Variants in GRB14 observed in about 807,000 individuals in gnomAD.
GRB14 encodes the protein growth factor receptor bound protein 14, also known as growth factor receptor-bound protein 14.
In GRB14, 38 loss-of-function variants were observed where a neutral mutation model predicts 69.1. That is an observed-to-expected ratio of 0.55 (90% confidence interval 0.42 to 0.72). The LOEUF is 0.72. Ranked by LOEUF, GRB14 falls within the 30% of genes least tolerant of loss-of-function variation. The probability of loss-of-function intolerance (pLI) is 0.00; values close to 1 mark genes in which losing one functional copy is unlikely to be tolerated. For synonymous variants in GRB14, 247 were observed against 241.3 expected (o/e 1.02, Z -0.22); for missense variants, 666 against 666.1 (o/e 1.00, Z 0.00).
intron 2 of GRB14, among the ~76,000 whole-genome samples, chr2:164,591,908 G>T (rs1689673889): frequency 1.3e-5 from 2 of 152,106 alleles, no homozygotes; most frequent in Admixed American, 6.5e-5. Context: ...CATGGGGGCA[G>T]TTTTCCCCAT....
At position 164,494,482 on chromosome 2, in the gene GRB14, G is replaced by A. The variant is rs138769540; in HGVS notation, c.1425C>T (p.Phe475=). The A allele has an allele frequency of 3.8e-5, 61 of 1,603,686 alleles. No individual in the cohort carries two copies. The highest frequency in any genetic ancestry group is 2.8e-4 in the Admixed American group (17 of 59,968). The part of the protein sequence containing the change: ...VRDSQSNPKT[F]VLSMSHGQKI... ...TTTGTCCATGACTCATTGACAGTAC[G>A]AAAGTTTTGGGGTTACTCTGACTAT... The change falls in exon 13 of 14, where the codon TTC becomes TTT. Residue 475 remains phenylalanine, a synonymous_variant. Transcript: ENST00000263915.
chr2:164,593,830 G>A (rs537776789), intron 2 of GRB14, among the ~76,000 whole-genome samples: 2 of 152,254 alleles, frequency 1.3e-5, no homozygotes, highest in South Asian at 2.1e-4. Context: ...CCACTTGGAA[G>A]TTTATGTTAA....
At chr2:164,527,614 A>T (rs1371601176) in intron 3 of GRB14, among the ~76,000 whole-genome samples, 4 of 152,012 alleles carry the variant, frequency 2.6e-5, no homozygotes, top group African/African-American at 9.7e-5. Flanking sequence ...TGTCCAGACT[A>T]ATCTGGATAG....
intron 9 of GRB14, among the ~76,000 whole-genome samples, chr2:164,498,967 ATC>A (rs1686979068): frequency 6.6e-6 from 1 of 151,982 alleles, no homozygotes; most frequent in South Asian, 2.1e-4. Context: ...TGTCTCTGTA[ATC>A]TCTATTTGCT....
At chr2:164,495,030 CTCCAGGGT>C (rs1686856282) in intron 12 of GRB14, among the ~76,000 whole-genome samples, 3 of 152,110 alleles carry the variant, frequency 2.0e-5, no homozygotes, top group Admixed American at 6.5e-5. Flanking sequence ...CAATCTCCGC[CTCCAGGGT>C]TCAAGCAATT....
rs569173334 is a variant in GRB14 at position 164,589,213 on chromosome 2, C to G, written c.324+30474G>C. Among the ~76,000 whole-genome samples the G allele has an allele frequency of 4.4e-4, 67 of 152,202 alleles. No individual in the cohort carries two copies. The South Asian group carries it at 8.7e-3, about 20-fold the overall frequency. The stretch of plus-strand genomic sequence containing the variant: ...TTTATAATTATTATATTTTTGCTTT[C>G]AAGAAACTGTCCTATGTGAATGCAT... On this transcript the variant is annotated intron_variant, in intron 2 of 13. Coordinates refer to ENST00000263915, the MANE Select transcript of GRB14 (RefSeq NM_004490.3).
chr2:164,508,412 A>G (rs1370075777), intron 8 of GRB14, 43 bp downstream of exon 8: 5 of 1,451,708 alleles, frequency 3.4e-6, no homozygotes, highest in Non-Finnish European at 4.8e-6. Flanking sequence ...CTTTTATGGT[A>G]CTCACAGCAG....
chr2:164,611,386 T>C (rs1022256247), intron 2 of GRB14, among the ~76,000 whole-genome samples: 3 of 152,054 alleles, frequency 2.0e-5, no homozygotes, highest in South Asian at 2.1e-4. Flanking sequence ...GAGATGTATA[T>C]AGATTCAAGC....
chr2:164,597,718 T>G (rs1689816924), intron 2 of GRB14, among the ~76,000 whole-genome samples: 2 of 143,714 alleles, frequency 1.4e-5, no homozygotes, highest in Admixed American at 6.9e-5. Context: ...AAGAAAGGAG[T>G]GAGAGAGAGG....
At chr2:164,573,436 T>C (rs1689166444) in intron 2 of GRB14, among the ~76,000 whole-genome samples, 1 of 152,230 alleles carries the variant, frequency 6.6e-6, no homozygotes, top group South Asian at 2.1e-4. Flanking sequence ...TTTCACTATC[T>C]GACACAGCTC....
At chr2:164,599,643 C>T (rs1689868133) in intron 2 of GRB14, among the ~76,000 whole-genome samples, 1 of 152,110 alleles carries the variant, frequency 6.6e-6, no homozygotes, top group Admixed American at 6.6e-5. Context: ...TGGGAAAATG[C>T]TACCTAAAAA....
At chr2:164,555,918 T>C (rs1206967244) in intron 2 of GRB14, among the ~76,000 whole-genome samples, 2 of 151,880 alleles carry the variant, frequency 1.3e-5, no homozygotes, top group Admixed American at 6.6e-5. Flanking sequence ...TCAATATTTT[T>C]CTTTATTATT....
chr2:164,576,263 C>T (rs2105334158), intron 2 of GRB14, among the ~76,000 whole-genome samples: 1 of 150,998 alleles, frequency 6.6e-6, no homozygotes, highest in South Asian at 2.1e-4. Flanking sequence ...ATCCAACCTT[C>T]TCAAAGCCTG....
chr2:164,604,476 C>T (rs1276303575), intron 2 of GRB14, among the ~76,000 whole-genome samples: 1 of 151,894 alleles, frequency 6.6e-6, no homozygotes, highest in Non-Finnish European at 1.5e-5. Context: ...CATTAGGACA[C>T]ATTATAGTAT....
intron 2 of GRB14, among the ~76,000 whole-genome samples, chr2:164,613,430 G>C (rs1181695284): frequency 6.6e-6 from 1 of 152,030 alleles, no homozygotes; most frequent in Non-Finnish European, 1.5e-5. Flanking sequence ...TGATTGAATA[G>C]GATCTGGACA....
chr2:164,612,851 T>C (rs1178645326), intron 2 of GRB14, among the ~76,000 whole-genome samples: 2 of 152,128 alleles, frequency 1.3e-5, no homozygotes, highest in Non-Finnish European at 2.9e-5. Flanking sequence ...GGACTGCAAA[T>C]GTACCCTGCA....
intron 2 of GRB14, among the ~76,000 whole-genome samples, chr2:164,570,738 T>C (rs1689105574): frequency 6.6e-6 from 1 of 152,180 alleles, no homozygotes; most frequent in Admixed American, 6.5e-5. Flanking sequence ...AAATGCTGTT[T>C]TGTATCACAC....
intron 2 of GRB14, among the ~76,000 whole-genome samples, chr2:164,614,712 A>G (rs1410144678): frequency 6.6e-6 from 1 of 152,194 alleles, no homozygotes; most frequent in South Asian, 2.1e-4. Flanking sequence ...CAATATGTAC[A>G]TGGGTTTCTC....
At position 164,497,584 on chromosome 2, in the gene GRB14, C is replaced by G. The variant is rs542597096; in HGVS notation, c.1105-94G>C. 9.3e-6 allele frequency: 8 copies of G among 861,010 alleles called. No homozygotes were observed. The South Asian group carries it at 1.2e-4, about 13-fold the overall frequency. 53.3% of individuals were successfully genotyped at this position (861,010 alleles called of 1,614,324 possible). On this transcript the variant is annotated intron_variant, in intron 9 of 13. Transcript: ENST00000263915. ...TGTTTTTCAATTTCAGTGTTTTTCTCTCAGTGTTTTTCTGGCAGTACATTT... is the reference window on the plus strand; with the variant it reads ...TGTTTTTCAATTTCAGTGTTTTTCTGTCAGTGTTTTTCTGGCAGTACATTT...
Sources: allele counts gnomAD v4.1 joint callset (sites outside exome capture counted in the v4.1 genomes callset), GRCh38; gene constraint gnomAD v4.1.1; transcripts MANE v1.5; gene names NCBI Gene and HGNC (gene_info 2026-07-23, HGNC 2026-07-21).